The following AFF3 variants were observed in gnomAD, a reference collection of about 807,000 sequenced individuals.
AFF3 encodes ALF transcription elongation factor 3, also known as AF4/FMR2 family member 3.
In AFF3, 32 loss-of-function variants were observed where a neutral mutation model predicts 129.7. That is an observed-to-expected ratio of 0.25 (90% CI 0.19 to 0.33). The LOEUF is 0.33. Ranked by LOEUF, AFF3 falls within the 10% of genes least tolerant of loss-of-function variation. The pLI is 1.00. For synonymous variants in AFF3, 644 were observed against 635.4 expected, an observed-to-expected ratio of 1.01 and a Z score of -0.20; for missense variants, 1,373 against 1,592.0, an observed-to-expected ratio of 0.86 and a Z score of 2.34.
At chr2:99,648,466 G>A (rs1684890211) in intron 13 of AFF3, among the ~76,000 whole-genome samples, 1 of 152,206 alleles carries the variant, frequency 6.6e-6, no homozygotes, top group Non-Finnish European at 1.5e-5. Context: ...AAGCAGAGCA[G>A]TCATCAGCTT....
intron 1 of AFF3, among the ~76,000 whole-genome samples, chr2:100,130,056 C>T (rs1000632400): frequency 1.3e-5 from 2 of 152,152 alleles, no homozygotes; most frequent in Admixed American, 6.5e-5. Context: ...GTGCTGCCAG[C>T]GGGAATCCCT....
intron 11 of AFF3, among the ~76,000 whole-genome samples, chr2:99,714,975 G>C (rs1019736510): frequency 6.6e-6 from 1 of 152,202 alleles, no homozygotes; most frequent in African/African-American, 2.4e-5. Flanking sequence ...GCATCATCCA[G>C]ACCTGCTCCA....
chr2:99,682,506 G>A (rs920737447), intron 11 of AFF3, among the ~76,000 whole-genome samples: 5 of 152,216 alleles, frequency 3.3e-5, no homozygotes, highest in African/African-American at 4.8e-5. Context: ...ACAAGGCAGC[G>A]CTGGGGAATC....
intron 13 of AFF3, among the ~76,000 whole-genome samples, chr2:99,642,645 AG>A (rs1298795944): frequency 4.6e-5 from 7 of 152,250 alleles, no homozygotes; most frequent in Non-Finnish European, 1.5e-5. Context: ...TTACCAAGCC[AG>A]AAATATTGTT....
intron 13 of AFF3, among the ~76,000 whole-genome samples, chr2:99,602,026 T>A (rs1251787901): frequency 1.3e-5 from 2 of 152,198 alleles, no homozygotes; most frequent in African/African-American, 4.8e-5. Flanking sequence ...TTGCAAAGCA[T>A]GAAAATGACT....
chr2:99,798,105 A>C (rs1558860991), intron 8 of AFF3, among the ~76,000 whole-genome samples: 1 of 152,070 alleles, frequency 6.6e-6, no homozygotes, highest in African/African-American at 2.4e-5. Flanking sequence ...GTTTGACAAC[A>C]ATAGGAAAAA....
intron 2 of AFF3, among the ~76,000 whole-genome samples, chr2:100,111,819 C>A (rs910361582): frequency 6.6e-6 from 1 of 152,176 alleles, no homozygotes; most frequent in Non-Finnish European, 1.5e-5. Context: ...TTGGGAGAAG[C>A]CATCAAGTCT....
At chr2:99,958,425 G>A (rs1676869759) in intron 7 of AFF3, among the ~76,000 whole-genome samples, 1 of 150,152 alleles carries the variant, frequency 6.7e-6, no homozygotes, top group Non-Finnish European at 1.5e-5. Flanking sequence ...CCTAGGAGGT[G>A]AAGGAGCCGA....
chr2:99,861,960 G>T (rs181395345), intron 7 of AFF3, among the ~76,000 whole-genome samples: 149 of 152,076 alleles, frequency 9.8e-4, no homozygotes, highest in African/African-American at 3.5e-3. Context: ...CTCCCCATCT[G>T]CCACCTTTTT....
chr2:100,051,318 A>T (rs1014692186), intron 4 of AFF3, among the ~76,000 whole-genome samples: 3 of 152,210 alleles, frequency 2.0e-5, no homozygotes, highest in Non-Finnish European at 4.4e-5. Context: ...GAGCCCACGC[A>T]ACGGCTCCCA....
chr2:99,898,327 T>C (rs1694115294), intron 7 of AFF3, among the ~76,000 whole-genome samples: 1 of 152,236 alleles, frequency 6.6e-6, no homozygotes, highest in South Asian at 2.1e-4. Flanking sequence ...CACTTTACCA[T>C]CACTCAAGTC....
chr2:100,055,356 G>A (rs1348681375), intron 4 of AFF3, among the ~76,000 whole-genome samples: 4 of 151,342 alleles, frequency 2.6e-5, no homozygotes, highest in Non-Finnish European at 1.5e-5. Context: ...ACCCTCATAG[G>A]AAACAGGAGA....
At chr2:99,937,484 C>A (rs1320011187) in intron 7 of AFF3, among the ~76,000 whole-genome samples, 1 of 152,094 alleles carries the variant, frequency 6.6e-6, no homozygotes, top group Non-Finnish European at 1.5e-5. Context: ...CTGCAACCTA[C>A]GCCTCCCAGG....
At chr2:99,966,543 A>G (rs918293487) in intron 7 of AFF3, among the ~76,000 whole-genome samples, 2 of 150,088 alleles carry the variant, frequency 1.3e-5, no homozygotes, top group African/African-American at 4.9e-5. Flanking sequence ...ACAAAAAATT[A>G]GCCGGGCGTA....
At chr2:99,893,143 C>T (rs1017295815) in intron 7 of AFF3, among the ~76,000 whole-genome samples, 1 of 152,202 alleles carries the variant, frequency 6.6e-6, no homozygotes, top group Non-Finnish European at 1.5e-5. Context: ...AAAAAATCCA[C>T]GTAACTGTCT....
intron 1 of AFF3, among the ~76,000 whole-genome samples, chr2:100,140,879 C>T (rs1692841552): frequency 6.6e-6 from 1 of 152,006 alleles, no homozygotes; most frequent in African/African-American, 2.4e-5. Flanking sequence ...TAAGTGTCAC[C>T]CCCCAAACCC....
intron 4 of AFF3, among the ~76,000 whole-genome samples, chr2:100,020,009 G>T (rs1024643377): frequency 6.6e-6 from 1 of 152,078 alleles, no homozygotes; most frequent in Non-Finnish European, 1.5e-5. Flanking sequence ...AGAATGATAG[G>T]CCCTCCCTGA....
At chr2:100,039,245 A>G (rs545096875) in intron 4 of AFF3, among the ~76,000 whole-genome samples, 1 of 152,292 alleles carries the variant, frequency 6.6e-6, no homozygotes, top group South Asian at 2.1e-4. Context: ...CCTGATGTCC[A>G]GAATTTTGGC....
At chr2:100,014,769 T>A (rs2104800804) in intron 4 of AFF3, among the ~76,000 whole-genome samples, 1 of 150,414 alleles carries the variant, frequency 6.6e-6, no homozygotes, top group African/African-American at 2.5e-5. Flanking sequence ...CATACCTCCA[T>A]ACCACCTTGC....
Sources: gnomAD v4.1 joint callset for allele counts (sites outside exome capture counted in the v4.1 genomes callset) on GRCh38, gnomAD v4.1.1 for gene constraint, MANE v1.5 for transcripts, NCBI Gene and HGNC (gene_info 2026-07-23, HGNC 2026-07-21) for gene names.